Variants in INSL6 observed in about 807,000 individuals in gnomAD.
INSL6 encodes the protein insulin-like peptide INSL6.
In INSL6, 16 loss-of-function variants were observed where a neutral mutation model predicts 9.4. The observed-to-expected ratio is 1.70, with a 90% CI of 1.15 to 2.59. The LOEUF is 2.59. Ranked by LOEUF, INSL6 falls within the 30% of genes most tolerant of loss-of-function variation. The pLI, the probability that INSL6 is intolerant of heterozygous loss-of-function variation, is 0.00. For synonymous variants in INSL6, 154 were observed against 96.9 expected (o/e 1.59, Z -3.46); for missense variants, 391 against 257.3 (o/e 1.52, Z -3.56).
At chr9:5,168,514 G>C (rs1339893361) in intron 1 of INSL6, among the ~76,000 whole-genome samples, 1 of 151,934 alleles carries the variant, frequency 6.6e-6, no homozygotes, top group Non-Finnish European at 1.5e-5. Context: ...AAATAAGGCA[G>C]GCAGACAAGA....
At chr9:5,080,556 G>A in the INSL6 span, 1 of 1,593,138 alleles carries the variant, frequency 6.3e-7, no homozygotes, top group East Asian at 2.2e-5. Flanking sequence ...ATGAAGATAG[G>A]CATCAGCTTC....
chr9:5,116,563 A>C, the INSL6 span, among the ~76,000 whole-genome samples: 1 of 152,246 alleles, frequency 6.6e-6, no homozygotes, highest in Non-Finnish European at 1.5e-5. Context: ...GAGGTTAAAT[A>C]AAATTAGCTG....
the INSL6 span, among the ~76,000 whole-genome samples, chr9:5,037,880 G>A: frequency 6.6e-6 from 1 of 151,970 alleles, no homozygotes; most frequent in Non-Finnish European, 1.5e-5. Context: ...AAGGCAAATT[G>A]TAAAGATAGT....
chr9:5,028,129 A>G, the INSL6 span, among the ~76,000 whole-genome samples: 1 of 152,198 alleles, frequency 6.6e-6, no homozygotes, highest in African/African-American at 2.4e-5. Context: ...ACCTTACTAA[A>G]TGTGTTTCCC....
the INSL6 span, among the ~76,000 whole-genome samples, chr9:5,028,813 C>T: frequency 0.39 from 58,626 of 152,040 alleles, 13,287 homozygotes; most frequent in African/African-American, 0.64. Flanking sequence ...TCAGCCTTCA[C>T]AGGTTTGAAG....
chr9:5,176,848 G>T (rs1459177011), intron 1 of INSL6, among the ~76,000 whole-genome samples: 1 of 151,932 alleles, frequency 6.6e-6, no homozygotes, highest in East Asian at 1.9e-4. Context: ...GCTGGATAAA[G>T]ATCAACCTAT....
At chr9:5,173,090 T>C (rs563653743) in intron 1 of INSL6, among the ~76,000 whole-genome samples, 1 of 152,136 alleles carries the variant, frequency 6.6e-6, no homozygotes, top group East Asian at 1.9e-4. Flanking sequence ...ACAGTCAGAA[T>C]AGCAATTATT....
the INSL6 span, among the ~76,000 whole-genome samples, chr9:5,037,372 A>T: frequency 1.6e-3 from 239 of 152,322 alleles, 2 homozygotes; most frequent in Non-Finnish European, 2.1e-3. Context: ...TACCCAAAGG[A>T]TTATAAATCA....
the INSL6 span, among the ~76,000 whole-genome samples, chr9:5,096,127 A>G: frequency 6.6e-6 from 1 of 152,166 alleles, no homozygotes. Flanking sequence ...CTCCATCTCA[A>G]TGACAATATT....
At chr9:5,071,641 T>C in the INSL6 span, among the ~76,000 whole-genome samples, 15 of 152,112 alleles carry the variant, frequency 9.9e-5, no homozygotes, top group Non-Finnish European at 2.1e-4. Flanking sequence ...AAATGGATTA[T>C]ATGAAAGAGG....
chr9:5,016,642 AC>A, the INSL6 span, among the ~76,000 whole-genome samples: 1 of 152,200 alleles, frequency 6.6e-6, no homozygotes, highest in Admixed American at 6.5e-5. Context: ...AAGTGAACAC[AC>A]CTTTGTTAAC....
the INSL6 span, among the ~76,000 whole-genome samples, chr9:4,999,941 A>G: frequency 2.6e-5 from 4 of 152,284 alleles, no homozygotes; most frequent in East Asian, 1.9e-4. Flanking sequence ...ATCTTTGCCA[A>G]CACTGGGTAT....
At chr9:5,137,893 A>G (rs10283582) in intron 2 of INSL6, among the ~76,000 whole-genome samples, 39,433 of 151,626 alleles carry the variant, frequency 0.26, 5,306 homozygotes, top group South Asian at 0.3. Context: ...AATTTACAAG[A>G]AAAAAAACCC....
chr9:5,041,148 T>A, the INSL6 span: 15 of 1,113,552 alleles, frequency 1.3e-5, no homozygotes, highest in Middle Eastern at 4.6e-4. Flanking sequence ...ATCCGGCTGA[T>A]CACGCGCATG....
the INSL6 span, among the ~76,000 whole-genome samples, chr9:5,050,384 C>T: frequency 6.6e-6 from 1 of 152,138 alleles, no homozygotes; most frequent in African/African-American, 2.4e-5. Flanking sequence ...GATCCTCCTA[C>T]CTCAGCCCCC....
downstream of INSL6, among the ~76,000 whole-genome samples, chr9:5,161,671 CT>C (rs1420503959): frequency 6.6e-6 from 1 of 152,092 alleles, no homozygotes; most frequent in African/African-American, 2.4e-5. Flanking sequence ...GTGCTATGAT[CT>C]TATATTTGGA....
the INSL6 span, among the ~76,000 whole-genome samples, chr9:5,003,779 T>A: frequency 6.6e-6 from 1 of 152,100 alleles, no homozygotes; most frequent in Admixed American, 6.5e-5. Context: ...ATTGTTACGT[T>A]TTTGAACTCT....
chr9:5,168,358 T>C (rs1441741531), intron 1 of INSL6, among the ~76,000 whole-genome samples: 2 of 152,120 alleles, frequency 1.3e-5, no homozygotes, highest in Non-Finnish European at 2.9e-5. Context: ...TTAACAAGAA[T>C]AACCAGTTTA....
the INSL6 span, among the ~76,000 whole-genome samples, chr9:5,087,088 A>T: frequency 1.3e-5 from 2 of 152,330 alleles, no homozygotes; most frequent in South Asian, 4.1e-4. Flanking sequence ...GGTTTCCAAC[A>T]TTGGTTAGGC....
Sources: allele counts gnomAD v4.1 joint callset (sites outside exome capture counted in the v4.1 genomes callset), GRCh38; gene constraint gnomAD v4.1.1; transcripts MANE v1.5; gene names NCBI Gene and HGNC (gene_info 2026-07-23, HGNC 2026-07-21).